Variants in TLK1 observed in about 807,000 individuals in gnomAD.
TLK1 encodes the protein tousled like kinase 1, also known as serine/threonine-protein kinase tousled-like 1.
A neutral mutation model predicts 105.3 loss-of-function variants in TLK1; 24 were observed. The ratio of observed to expected loss-of-function variants is 0.23; its 90% CI spans 0.17 to 0.32. The LOEUF is 0.32. TLK1 is among the 10% of genes least tolerant of loss of function. The pLI is 1.00. For synonymous variants in TLK1, 321 were observed against 310.4 expected, an observed-to-expected ratio of 1.03 and a Z score of -0.36; for missense variants, 558 against 910.5, an observed-to-expected ratio of 0.61 and a Z score of 4.98.
chr2:171,116,855 G>C (rs1392019745), intron 2 of TLK1, among the ~76,000 whole-genome samples: 1 of 152,180 alleles, frequency 6.6e-6, no homozygotes, highest in Non-Finnish European at 1.5e-5. Context: ...ATGCAGATTA[G>C]TACAACTGTT....
chr2:171,014,526 T>C (rs1685080664), intron 13 of TLK1, among the ~76,000 whole-genome samples: 1 of 152,068 alleles, frequency 6.6e-6, no homozygotes, highest in African/African-American at 2.4e-5. Flanking sequence ...AATAGGATGA[T>C]CTAAGAATGG....
intron 11 of TLK1, among the ~76,000 whole-genome samples, chr2:171,030,234 A>G (rs563591925): frequency 6.6e-6 from 1 of 152,334 alleles, no homozygotes; most frequent in African/African-American, 2.4e-5. Context: ...AAATTAACTA[A>G]TTCTAAAAAA....
At chr2:171,010,758 A>C (rs1293656330) in intron 14 of TLK1, among the ~76,000 whole-genome samples, 3 of 152,206 alleles carry the variant, frequency 2.0e-5, no homozygotes, top group African/African-American at 7.2e-5. Context: ...TTAATACTTC[A>C]GACATTTTTT....
In TLK1 at chr2:171,055,139, C is replaced by A; in HGVS notation, c.583G>T (p.Ala195Ser). The A allele has an allele frequency of 6.7e-7, 1 of 1,490,784 alleles. No homozygotes were observed. Among genetic ancestry groups the A allele is most frequent in the African/African-American group, 1.5e-5 (1 of 66,634 alleles). 92.3% of individuals were successfully genotyped at this position (1,490,784 alleles called of 1,614,324 possible). A position where few individuals can be genotyped will look rare whatever the true frequency, so the allele number is the denominator to read the frequency against. Residue 195 changes from alanine (A) to serine (S), a missense_variant, in exon 7 of 21, where the codon GCA becomes TCA. Physicochemically the swap from Ala to Ser is moderately conservative, Grantham distance 99 (BLOSUM62 1). This residue lies in a region of TLK1 where 196 missense variants were observed against 239.3 expected (regional missense o/e 0.82). Transcript: ENST00000431350. Reference protein sequence around the residue: ...RPNSPSPTALAFGDHPIVQPK... With the variant: ...RPNSPSPTALSFGDHPIVQPK... ...TGTACAATAGGGTGGTCCCCAAATG[C>A]TAATGCAGTAGGAGAAGGGCTATTC...
At chr2:171,176,104 AT>A (rs1307441884) in intron 1 of TLK1, among the ~76,000 whole-genome samples, 1 of 151,556 alleles carries the variant, frequency 6.6e-6, no homozygotes, top group Non-Finnish European at 1.5e-5. Flanking sequence ...GCCCTGCTAA[AT>A]TTTTTTGTAT....
At chr2:171,122,285 G>A (rs1690685626) in intron 1 of TLK1, among the ~76,000 whole-genome samples, 1 of 152,100 alleles carries the variant, frequency 6.6e-6, no homozygotes, top group Non-Finnish European at 1.5e-5. Flanking sequence ...TTTTAAAGAG[G>A]CAATATACTC....
intron 1 of TLK1, among the ~76,000 whole-genome samples, chr2:171,211,698 C>G (rs1693619046): frequency 6.6e-6 from 1 of 151,840 alleles, no homozygotes; most frequent in Non-Finnish European, 1.5e-5. Flanking sequence ...TACAGGCGCA[C>G]CCCACCACGC....
intron 1 of TLK1, among the ~76,000 whole-genome samples, chr2:171,209,997 T>C (rs988705197): frequency 6.6e-6 from 1 of 152,214 alleles, no homozygotes; most frequent in Non-Finnish European, 1.5e-5. Flanking sequence ...AGGCAGTGTA[T>C]GGGAATGCCT....
intron 1 of TLK1, among the ~76,000 whole-genome samples, chr2:171,118,398 T>C (rs1690520347): frequency 1.3e-5 from 2 of 152,226 alleles, no homozygotes; most frequent in South Asian, 2.1e-4. Context: ...ATATCTTATA[T>C]AACTAACTAC....
intron 1 of TLK1, among the ~76,000 whole-genome samples, chr2:171,159,382 G>A (rs576373553): frequency 1.4e-3 from 206 of 152,290 alleles, no homozygotes; most frequent in African/African-American, 4.8e-3. Flanking sequence ...TGTATACTTA[G>A]ATACAGCAAG....
intron 11 of TLK1, among the ~76,000 whole-genome samples, chr2:171,029,971 C>T (rs1025396035): frequency 4.6e-5 from 7 of 152,174 alleles, no homozygotes; most frequent in African/African-American, 1.4e-4. Context: ...GTCTTGAATG[C>T]CTGGCTTCAA....
intron 1 of TLK1, among the ~76,000 whole-genome samples, chr2:171,122,969 G>T (rs1404474109): frequency 6.7e-6 from 1 of 149,496 alleles, no homozygotes; most frequent in African/African-American, 2.5e-5. Flanking sequence ...AACCCAGGAG[G>T]TAGAGGTTGC....
chr2:171,134,799 C>G (rs748333467), intron 1 of TLK1, among the ~76,000 whole-genome samples: 7 of 145,104 alleles, frequency 4.8e-5, no homozygotes, highest in Admixed American at 4.3e-4. Context: ...AGTGCCATCA[C>G]AGCTCACACC....
intron 12 of TLK1, among the ~76,000 whole-genome samples, chr2:171,024,816 C>T (rs575280869): frequency 2.0e-5 from 3 of 152,146 alleles, no homozygotes; most frequent in East Asian, 3.9e-4. Context: ...TATGTAATTC[C>T]GTTAAAATGG....
At chr2:171,137,311 C>T (rs898625430) in intron 1 of TLK1, among the ~76,000 whole-genome samples, 3 of 151,582 alleles carry the variant, frequency 2.0e-5, no homozygotes, top group African/African-American at 7.3e-5. Context: ...GACTCATGCT[C>T]TATATCTTAT....
chr2:171,225,741 C>A (rs938466733), intron 1 of TLK1, among the ~76,000 whole-genome samples: 2 of 152,096 alleles, frequency 1.3e-5, no homozygotes, highest in African/African-American at 4.8e-5. Context: ...TCCAAATGTC[C>A]ATCAATCGTT....
intron 20 of TLK1, among the ~76,000 whole-genome samples, chr2:170,996,201 G>A (rs1463726570): frequency 6.6e-6 from 1 of 151,740 alleles, no homozygotes; most frequent in Non-Finnish European, 1.5e-5. Flanking sequence ...GTTTCACCAT[G>A]TTGGTCAGGC....
chr2:171,093,511 C>T (rs1348678820), intron 2 of TLK1, among the ~76,000 whole-genome samples: 1 of 152,032 alleles, frequency 6.6e-6, no homozygotes, highest in Non-Finnish European at 1.5e-5. Flanking sequence ...AAAACCATAT[C>T]CATTTAGGGA....
chr2:171,057,621 A>T (rs1384543793), intron 5 of TLK1, among the ~76,000 whole-genome samples: 1 of 152,076 alleles, frequency 6.6e-6, no homozygotes, highest in African/African-American at 2.4e-5. Flanking sequence ...TCTCTCAAGT[A>T]AACATAAATA....
Sources: gnomAD v4.1 joint callset for allele counts (sites outside exome capture counted in the v4.1 genomes callset) on GRCh38, gnomAD v4.1.1 for gene constraint, gnomAD v4.1.1 regional missense constraint, MANE v1.5 for transcripts, NCBI Gene and HGNC (gene_info 2026-07-23, HGNC 2026-07-21) for gene names.